Variants in SLC35A3 observed in about 807,000 individuals in gnomAD.
SLC35A3 encodes the protein UDP-N-acetylglucosamine transporter.
Under a neutral mutation model 39.0 loss-of-function variants are expected in SLC35A3, and 26 were observed. That is an observed-to-expected ratio of 0.67 (90% CI 0.49 to 0.92). SLC35A3 has a LOEUF of 0.92. Ranked by LOEUF, SLC35A3 falls within the 40% of genes least tolerant of loss-of-function variation. The pLI is 0.00. For synonymous variants in SLC35A3, 135 were observed against 133.1 expected (o/e 1.01, Z -0.10); for missense variants, 299 against 371.6 (o/e 0.80, Z 1.61).
intron 5 of SLC35A3, among the ~76,000 whole-genome samples, chr1:100,011,879 C>T (rs974083627): frequency 5.3e-5 from 8 of 151,448 alleles, no homozygotes; most frequent in East Asian, 2.0e-4. Flanking sequence ...CCACCACGCC[C>T]GGCTAATTTT....
intron 4 of SLC35A3, chr1:100,008,063 T>G (rs1659370936): frequency 6.6e-6 from 1 of 151,786 alleles, no homozygotes; most frequent in South Asian, 2.1e-4. Context: ...GCAATTCTCC[T>G]GCCTCAGCCT....
intron 3 of SLC35A3, among the ~76,000 whole-genome samples, chr1:100,005,743 G>A (rs1344187739): frequency 6.6e-6 from 1 of 151,942 alleles, no homozygotes; most frequent in African/African-American, 2.4e-5. Context: ...ATGATGAATT[G>A]TTCTCCTATT....
chr1:100,020,081 A>T (rs778244210), intron 7 of SLC35A3, among the ~76,000 whole-genome samples: 1 of 152,228 alleles, frequency 6.6e-6, no homozygotes, highest in African/African-American at 2.4e-5. Flanking sequence ...GGAAAGACAG[A>T]TGTGAATAAT....
At chr1:100,003,374 C>T (rs866008203) in intron 3 of SLC35A3, among the ~76,000 whole-genome samples, 1 of 143,652 alleles carries the variant, frequency 7.0e-6, no homozygotes, top group African/African-American at 2.6e-5. Flanking sequence ...TGAGATCACA[C>T]CATTGCACTC....
chr1:99,994,375 AT>A (rs976262658), intron 2 of SLC35A3, among the ~76,000 whole-genome samples: 4 of 152,058 alleles, frequency 2.6e-5, no homozygotes, highest in African/African-American at 9.7e-5. Context: ...TTTATCTAAA[AT>A]TTTTAATCTA....
intron 1 of SLC35A3, among the ~76,000 whole-genome samples, chr1:99,973,843 T>C (rs921302191): frequency 6.6e-6 from 1 of 152,102 alleles, no homozygotes; most frequent in Non-Finnish European, 1.5e-5. Context: ...GGTGAAACCC[T>C]GTCTCTACTA....
Position 100,023,555 on chromosome 1 carries a change from A to G in SLC35A3, c.*1079A>G, listed in dbSNP as rs1402859726. The stretch of plus-strand genomic sequence containing the variant: ...GAACAAAATGACTTTTCTTGGAGAC[A>G]TTCCAGATTGCCATATTACTTTATT... On this transcript the variant is annotated 3_prime_UTR_variant, in exon 8 of 8. Coordinates refer to ENST00000533028, the MANE Select transcript of SLC35A3 (RefSeq NM_012243.3). 3 of 152,234 alleles carry G rather than the reference A, an allele frequency of 2.0e-5. No homozygotes were observed. The highest frequency in any genetic ancestry group is 2.9e-5 in the Non-Finnish European group (2 of 68,040). 9.4% of individuals were successfully genotyped at this position (152,234 alleles called of 1,614,324 possible).
intron 1 of SLC35A3, among the ~76,000 whole-genome samples, chr1:99,979,872 C>T (rs979283204): frequency 1.9e-4 from 29 of 151,826 alleles, no homozygotes; most frequent in Admixed American, 2.0e-4. Flanking sequence ...GGTGAAACCC[C>T]GTCTCTACTA....
intron 1 of SLC35A3, among the ~76,000 whole-genome samples, chr1:99,975,230 C>T (rs911391115): frequency 4.6e-5 from 7 of 152,074 alleles, no homozygotes; most frequent in African/African-American, 1.2e-4. Flanking sequence ...CCTGAGCCAC[C>T]GTGTCCAGCC....
intron 1 of SLC35A3, among the ~76,000 whole-genome samples, chr1:99,989,962 G>A (rs1657977314): frequency 6.6e-6 from 1 of 152,034 alleles, no homozygotes; most frequent in South Asian, 2.1e-4. Context: ...TCACTTTGTT[G>A]TCCAAGCTGG....
Position 99,995,079 on chromosome 1 carries a change from G to C in SLC35A3, c.187+1338G>C, listed in dbSNP as rs566699878. On this transcript the variant is annotated intron_variant, in intron 2 of 7. Transcript: ENST00000533028. ...TAACTAATGATGATGAATTTTTATG[G>C]GGTTTTTTTTTGGCTTTTTGTGTAT... is the stretch of plus-strand genomic sequence containing the variant. Among the ~76,000 whole-genome samples, 4 of 147,754 alleles carry C rather than the reference G, an allele frequency of 2.7e-5. No individual in the cohort carries two copies. In the East Asian group the frequency reaches 8.0e-4, roughly 30 times the overall value.
intron 6 of SLC35A3, 37 bp downstream of exon 6, chr1:100,015,457 A>G: frequency 1.3e-6 from 2 of 1,569,306 alleles, no homozygotes; most frequent in East Asian, 2.3e-5. Flanking sequence ...ATGCTAATAA[A>G]CTGTATTTTA....
intron 7 of SLC35A3, among the ~76,000 whole-genome samples, chr1:100,018,186 G>GCT (rs751370546): frequency 1.3e-5 from 2 of 152,116 alleles, no homozygotes; most frequent in Non-Finnish European, 2.9e-5. Flanking sequence ...AGAGAATGTG[G>GCT]CTCATGAGGA....
chr1:100,016,486 G>A (rs1187571148), intron 6 of SLC35A3, among the ~76,000 whole-genome samples: 1 of 149,986 alleles, frequency 6.7e-6, no homozygotes, highest in Non-Finnish European at 1.5e-5. Context: ...CCATTCTCCT[G>A]CCTCAGCCTC....
intron 5 of SLC35A3, among the ~76,000 whole-genome samples, chr1:100,013,472 G>T (rs1659827615): frequency 2.0e-5 from 3 of 150,944 alleles, no homozygotes; most frequent in Admixed American, 6.6e-5. Flanking sequence ...AATTAGCTGG[G>T]TGTGGTAGCG....
At chr1:99,979,564 G>A (rs1657325261) in intron 1 of SLC35A3, among the ~76,000 whole-genome samples, 1 of 151,122 alleles carries the variant, frequency 6.6e-6, no homozygotes, top group Non-Finnish European at 1.5e-5. Context: ...CTCCGGAGTA[G>A]CTGGGACTAC....
rs144002752 is a variant in SLC35A3 at position 100,035,192 on chromosome 1, C to T, written c.*12716C>T. Reference sequence around the variant, plus strand: ...GGTTATCATCCTCCCCATACATCATCTCTAGATTATTTATAGTACTTAATA... The same window carrying T: ...GGTTATCATCCTCCCCATACATCATTTCTAGATTATTTATAGTACTTAATA... On this transcript the variant is annotated 3_prime_UTR_variant, in exon 8 of 8. Transcript: ENST00000533028. 5.9e-5 allele frequency: 9 copies of T among 152,152 alleles called. No homozygotes were observed. Among genetic ancestry groups the T allele is most frequent in the Non-Finnish European group, 1.0e-4 (7 of 68,032 alleles). 9.4% of individuals were successfully genotyped at this position (152,152 alleles called of 1,614,324 possible).
At chr1:100,007,955 A>AT (rs66589634) in intron 4 of SLC35A3, 28,007 of 135,980 alleles carry the variant, frequency 0.21, 4,240 homozygotes, top group African/African-American at 0.43. Flanking sequence ...TAACTTTTTA[A>AT]TTTTTTTTTT....
intron 5 of SLC35A3, among the ~76,000 whole-genome samples, chr1:100,013,363 A>G (rs940200676): frequency 6.6e-6 from 1 of 150,858 alleles, no homozygotes; most frequent in African/African-American, 2.4e-5. Flanking sequence ...CTGTAATCCC[A>G]GCACTTTGAG....
Sources: allele counts gnomAD v4.1 joint callset (sites outside exome capture counted in the v4.1 genomes callset), GRCh38; gene constraint gnomAD v4.1.1; transcripts MANE v1.5; gene names NCBI Gene and HGNC (gene_info 2026-07-23, HGNC 2026-07-21).